The following MDFIC variants were observed in gnomAD, a reference collection of about 807,000 sequenced individuals.
MDFIC encodes the protein MyoD family inhibitor domain containing, also known as myoD family inhibitor domain-containing protein.
A neutral mutation model predicts 23.2 loss-of-function variants in MDFIC; 17 were observed. The ratio of observed to expected loss-of-function variants is 0.73; its 90% CI spans 0.50 to 1.10. MDFIC has a LOEUF of 1.10. MDFIC is among the 50% of genes least tolerant of loss of function. MDFIC has a pLI of 0.00. For synonymous variants in MDFIC, 120 were observed against 115.2 expected, an observed-to-expected ratio of 1.04 and a Z score of -0.27; for missense variants, 356 against 316.6, an observed-to-expected ratio of 1.12 and a Z score of -0.95.
chr7:114,976,564 ACTG>A (rs1793319394), intron 3 of MDFIC, among the ~76,000 whole-genome samples: 1 of 152,146 alleles, frequency 6.6e-6, no homozygotes, highest in African/African-American at 2.4e-5. Flanking sequence ...GGCATATATA[ACTG>A]CTAAACAGAT....
chr7:114,997,395 T>G (rs1250456010), intron 4 of MDFIC, among the ~76,000 whole-genome samples: 1 of 151,570 alleles, frequency 6.6e-6, no homozygotes, highest in Admixed American at 6.6e-5. Flanking sequence ...GGGGAGTGTA[T>G]GTGCATGCGT....
At chr7:114,987,015 G>T (rs1793527374) in intron 4 of MDFIC, among the ~76,000 whole-genome samples, 3 of 152,260 alleles carry the variant, frequency 2.0e-5, no homozygotes, top group Admixed American at 2.0e-4. Flanking sequence ...GTGGTTGAAA[G>T]GGCAGGAATG....
chr7:114,964,709 C>T (rs543859426), intron 3 of MDFIC, among the ~76,000 whole-genome samples: 8 of 152,256 alleles, frequency 5.3e-5, no homozygotes, highest in Admixed American at 5.2e-4. Flanking sequence ...CGCCACCACA[C>T]CCAGCTAGTT....
chr7:114,925,251 T>C (rs1223504928), intron 2 of MDFIC, among the ~76,000 whole-genome samples: 1 of 152,132 alleles, frequency 6.6e-6, no homozygotes, highest in Non-Finnish European at 1.5e-5. Flanking sequence ...CTATACTATA[T>C]TGTGATGAGC....
intron 3 of MDFIC, among the ~76,000 whole-genome samples, chr7:114,972,735 C>T (rs1793231781): frequency 6.6e-6 from 1 of 152,066 alleles, no homozygotes; most frequent in Non-Finnish European, 1.5e-5. Flanking sequence ...CTCAAGCCAT[C>T]CTCCCACTGT....
At chr7:114,923,254 T>C in intron 2 of MDFIC, 127 bp downstream of exon 2, 1 of 1,331,728 alleles carries the variant, frequency 7.5e-7, no homozygotes, top group African/African-American at 1.5e-5. Context: ...TTGAGAACTT[T>C]TGCACAGTTC....
At chr7:115,013,959 T>C in intron 4 of MDFIC, 1 of 981,058 alleles carries the variant, frequency 1.0e-6, no homozygotes. Flanking sequence ...ACAACTCTGT[T>C]TTTGTTTTTG....
At chr7:114,998,022 G>T (rs1791376722) in intron 4 of MDFIC, among the ~76,000 whole-genome samples, 1 of 152,108 alleles carries the variant, frequency 6.6e-6, no homozygotes, top group African/African-American at 2.4e-5. Flanking sequence ...TTTATCATTT[G>T]GGACGATGAA....
chr7:114,957,935 A>C (rs552683987), intron 3 of MDFIC, among the ~76,000 whole-genome samples: 1 of 152,332 alleles, frequency 6.6e-6, no homozygotes, highest in East Asian at 1.9e-4. Flanking sequence ...AATCTGTATC[A>C]CAATATTTAA....
At chr7:114,991,663 T>C (rs1200251358) in intron 4 of MDFIC, among the ~76,000 whole-genome samples, 3 of 152,200 alleles carry the variant, frequency 2.0e-5, no homozygotes, top group East Asian at 1.9e-4. Context: ...TGGTTGTAGA[T>C]GTGTGGTATT....
chr7:114,958,490 C>T (rs2115850395), intron 3 of MDFIC, among the ~76,000 whole-genome samples: 1 of 152,338 alleles, frequency 6.6e-6, no homozygotes. Flanking sequence ...GTGGCTCACG[C>T]CTGTAATCCC....
At chr7:114,930,441 G>GGC (rs902576445) in intron 2 of MDFIC, among the ~76,000 whole-genome samples, 2 of 152,096 alleles carry the variant, frequency 1.3e-5, no homozygotes, top group African/African-American at 2.4e-5. Flanking sequence ...TAAGACCTCT[G>GGC]GCGAGAAAAA....
chr7:114,925,035 T>C (rs1383729076), intron 2 of MDFIC, among the ~76,000 whole-genome samples: 1 of 152,200 alleles, frequency 6.6e-6, no homozygotes, highest in Non-Finnish European at 1.5e-5. Context: ...TTAATAATTC[T>C]ACGGTAGGAT....
intron 4 of MDFIC, among the ~76,000 whole-genome samples, chr7:114,988,174 A>G (rs1793545513): frequency 6.6e-6 from 1 of 152,174 alleles, no homozygotes; most frequent in Non-Finnish European, 1.5e-5. Flanking sequence ...GCTTTAGCAA[A>G]TTAAATTAGC....
intron 4 of MDFIC, among the ~76,000 whole-genome samples, chr7:115,001,860 G>A (rs575540120): frequency 4.9e-4 from 74 of 152,230 alleles, no homozygotes; most frequent in African/African-American, 1.6e-3. Context: ...CTCCTGGCCC[G>A]GCACACTGAC....
intron 4 of MDFIC, among the ~76,000 whole-genome samples, chr7:114,997,869 A>AT (rs1208492158): frequency 6.6e-6 from 1 of 152,144 alleles, no homozygotes; most frequent in East Asian, 1.9e-4. Flanking sequence ...GCAGAGCACT[A>AT]TTTTTTACAG....
chr7:115,015,991 G>A lies in MDFIC; in HGVS notation c.*56G>A. On this transcript the variant is annotated 3_prime_UTR_variant, in exon 5 of 5. Coordinates refer to ENST00000393486, the MANE Select transcript of MDFIC (RefSeq NM_001166345.3). ...AGAGTGTTTAAAAATTTCCTTTTGG[G>A]GGGAAGAAAAGCACATTGTAAGATT... 2 of 1,536,244 alleles carry A rather than the reference G, an allele frequency of 1.3e-6. No homozygotes were observed. The highest frequency in any genetic ancestry group is 2.5e-5 in the South Asian group (2 of 81,510).
At chr7:114,923,300 T>C (rs114352693) in intron 2 of MDFIC, among the ~76,000 whole-genome samples, 173 bp downstream of exon 2, 1,607 of 152,272 alleles carry the variant, frequency 0.011, 19 homozygotes, top group African/African-American at 0.037. Context: ...ATCCTTGCCC[T>C]AGATCAACAA....
At chr7:114,997,441 ATC>A (rs1328478079) in intron 4 of MDFIC, among the ~76,000 whole-genome samples, 1 of 151,096 alleles carries the variant, frequency 6.6e-6, no homozygotes, top group Non-Finnish European at 1.5e-5. Context: ...CGTGTGTTTT[ATC>A]TCTCTCAGAT....
Sources: allele counts gnomAD v4.1 joint callset (sites outside exome capture counted in the v4.1 genomes callset), GRCh38; gene constraint gnomAD v4.1.1; transcripts MANE v1.5; gene names NCBI Gene and HGNC (gene_info 2026-07-23, HGNC 2026-07-21).